Variants in PCDHA8 observed in about 807,000 individuals in gnomAD.
The protein encoded by PCDHA8 is protocadherin alpha-8.
In PCDHA8, 53 loss-of-function variants were observed where a neutral mutation model predicts 61.8. That is an observed-to-expected ratio of 0.86 (90% CI 0.69 to 1.08). PCDHA8 has a LOEUF of 1.08. Ranked by LOEUF, PCDHA8 falls within the 50% of genes least tolerant of loss-of-function variation. PCDHA8 has a pLI of 0.00. For synonymous variants in PCDHA8, 618 were observed against 556.6 expected (o/e 1.11, Z -1.55); for missense variants, 1,293 against 1,245.0 (o/e 1.04, Z -0.58).
chr5:140,845,492 G>T lies in PCDHA8; in HGVS notation c.2394+1777G>T, dbSNP rs2150379266. ...ATTTGGGGTTGTGCTTTCACAGTGA[G>T]AAAGTCTAAACCTATTTCTTGTACA... On this transcript the variant is annotated intron_variant, in intron 1 of 3. Coordinates refer to ENST00000531613, the MANE Select transcript of PCDHA8 (RefSeq NM_018911.3). Among the ~76,000 whole-genome samples, 111 of 149,698 alleles carry T rather than the reference G, an allele frequency of 7.4e-4. 5 individuals are homozygous for T. Among genetic ancestry groups the T allele is most frequent in the African/African-American group, 2.6e-3 (108 of 41,006 alleles).
At chr5:140,943,112 G>A (rs1250060246) in intron 1 of PCDHA8, among the ~76,000 whole-genome samples, 1 of 151,850 alleles carries the variant, frequency 6.6e-6, no homozygotes, top group African/African-American at 2.4e-5. Flanking sequence ...ACAAAAATTA[G>A]CCAGGTGTGG....
rs1256461262 is a variant in PCDHA8, at chr5:140,982,640, A to T, written c.2542+77A>T. On this transcript the variant is annotated intron_variant, in intron 3 of 3. Transcript: ENST00000531613. ...ATGACCTACTTTTGTAAGATCAGGA[A>T]TGTTGATGGCTCTTTTTCTTTTATA... 3 of 1,544,442 alleles carry T rather than the reference A, an allele frequency of 1.9e-6. No individual in the cohort carries two copies. The African/African-American group carries it at 4.2e-5, about 21-fold the overall frequency.
At chr5:140,871,530 T>C (rs188075654) in intron 1 of PCDHA8, 2 of 1,514,446 alleles carry the variant, frequency 1.3e-6, no homozygotes, top group Admixed American at 4.8e-5. Flanking sequence ...TCAGGAAGTG[T>C]ATGTGAAATT....
chr5:140,857,544 G>T (rs1408742148), intron 1 of PCDHA8: 1 of 1,596,898 alleles, frequency 6.3e-7, no homozygotes, highest in Non-Finnish European at 8.6e-7. Flanking sequence ...CGGCGGTTGG[G>T]CGAGCGCTCG....
At position 140,843,574 on chromosome 5, in the gene PCDHA8, G is replaced by A. The variant is rs2150362915; in HGVS notation, c.2253G>A (p.Ser751=). 1.8e-5 allele frequency: 28 copies of A among 1,595,908 alleles called. 3 individuals are homozygous for A. The highest frequency in any genetic ancestry group is 1.7e-4 in the Middle Eastern group (1 of 5,996). Residue 751 remains serine (S), a synonymous_variant, in exon 1 of 4, where the codon TCG becomes TCA. Coordinates refer to ENST00000531613, the MANE Select transcript of PCDHA8 (RefSeq NM_018911.3). ...CSSAVGSWSY[S]QQQPQRVCSG... ...GTGCGGTGGGGAGCTGGTCATACTCGCAACAACAGCCGCAGAGGGTGTGCT... is the reference window on the plus strand; with the variant it reads ...GTGCGGTGGGGAGCTGGTCATACTCACAACAACAGCCGCAGAGGGTGTGCT...
Position 140,848,936 on chromosome 5 carries a change from G to A in PCDHA8, c.2394+5221G>A, listed in dbSNP as rs2150425486. ...ATCTGTTCATCGCGGAATCCAGGCC[G>A]CTTGACTCTCGGTTTCCACTAGAGG... is the stretch of plus-strand genomic sequence containing the variant. On this transcript the variant is annotated intron_variant, in intron 1 of 3. Coordinates refer to ENST00000531613, the MANE Select transcript of PCDHA8 (RefSeq NM_018911.3). 2.3e-5 allele frequency: 37 copies of A among 1,607,476 alleles called. No homozygotes were observed. The East Asian group carries it at 6.7e-4, about 29-fold the overall frequency.
chr5:140,875,571 C>T lies in PCDHA8; in HGVS notation c.2394+31856C>T, dbSNP rs782529259. The T allele has an allele frequency of 7.4e-6, 12 of 1,613,992 alleles. No individual in the cohort carries two copies. The Admixed American group carries it at 1.8e-4, about 25-fold the overall frequency. ...AGGTGGGGAGCGGCCAGCTCCACTACTCCGTCTACGAGGAGGCCAAACACG... is the reference window on the plus strand; with the variant it reads ...AGGTGGGGAGCGGCCAGCTCCACTATTCCGTCTACGAGGAGGCCAAACACG... On this transcript the variant is annotated intron_variant, in intron 1 of 3. Transcript: ENST00000531613.
At chr5:140,968,437 A>G (rs1267054987) in intron 1 of PCDHA8, 2 of 1,614,072 alleles carry the variant, frequency 1.2e-6, no homozygotes, top group Admixed American at 3.3e-5. Context: ...AGGGGAGCCC[A>G]CCACTGAGCA....
Position 140,951,565 on chromosome 5 carries a change from T to G in PCDHA8, c.2395-27384T>G, listed in dbSNP as rs151148481. Among the ~76,000 whole-genome samples the G allele has an allele frequency of 1.4e-3, 220 of 152,132 alleles. 1 individual carries two copies. Among genetic ancestry groups the G allele is most frequent in the African/African-American group, 4.9e-3 (203 of 41,508 alleles). ...GGACGGGGGGAAGTGCTACGCACTT[T>G]TAAACAACCAGATTTCACGAGATCT... On this transcript the variant is annotated intron_variant, in intron 1 of 3. Transcript: ENST00000531613.
chr5:140,843,697 T>G lies in PCDHA8; in HGVS notation c.2376T>G (p.Asn792Lys). The G allele has an allele frequency of 6.3e-7, 1 of 1,583,576 alleles. No individual in the cohort carries two copies. The highest frequency in any genetic ancestry group is 8.7e-7 in the Non-Finnish European group (1 of 1,154,322). The change falls in exon 1 of 4, where the codon AAT (asparagine) becomes AAG (lysine). Residue 792 changes from asparagine (N) to lysine (K), a missense_variant. Physicochemically the swap from Asn to Lys is moderately conservative, Grantham distance 94. Coordinates refer to ENST00000531613, the MANE Select transcript of PCDHA8 (RefSeq NM_018911.3). ...ATGTAGGCGAAGAGCAAGATTTAAATGTTGATCATGGCCTCAAAGTAAGTC... is the reference window on the plus strand; with the variant it reads ...ATGTAGGCGAAGAGCAAGATTTAAAGGTTGATCATGGCCTCAAAGTAAGTC... ...SVDVGEEQDL[N>K]VDHGLKPRQP... is the part of the protein sequence containing the mutation.
chr5:140,954,543 A>G (rs1344952646), intron 1 of PCDHA8, among the ~76,000 whole-genome samples: 1 of 151,924 alleles, frequency 6.6e-6, no homozygotes, highest in Non-Finnish European at 1.5e-5. Flanking sequence ...TTTTTTTCAT[A>G]TGTTTGTTGG....
At chr5:140,900,575 C>A (rs994036757) in intron 1 of PCDHA8, among the ~76,000 whole-genome samples, 5 of 152,330 alleles carry the variant, frequency 3.3e-5, no homozygotes, top group African/African-American at 1.2e-4. Flanking sequence ...CGGCACCGGC[C>A]CATTTTCTTT....
In PCDHA8 at chr5:140,857,169, C is replaced by T. The variant is rs199584063; in HGVS notation, c.2394+13454C>T. On this transcript the variant is annotated intron_variant, in intron 1 of 3. Coordinates refer to ENST00000531613, the MANE Select transcript of PCDHA8 (RefSeq NM_018911.3). ...ACCGTCATTGCCCTAATCAGCGTTTCTGACCATGATTCAGGAGCCAACGGA... is the reference window on the plus strand; with the variant it reads ...ACCGTCATTGCCCTAATCAGCGTTTTTGACCATGATTCAGGAGCCAACGGA... 2.2e-5 allele frequency: 35 copies of T among 1,598,474 alleles called. 1 individual carries two copies. The East Asian group carries it at 7.4e-4, about 34-fold the overall frequency.
chr5:140,903,273 T>G (rs1213268192), intron 1 of PCDHA8, among the ~76,000 whole-genome samples: 2 of 152,228 alleles, frequency 1.3e-5, no homozygotes, highest in Non-Finnish European at 2.9e-5. Flanking sequence ...AGTGAGGTAG[T>G]GTCTCATTGT....
intron 1 of PCDHA8, chr5:140,877,135 G>A (rs1554169356): frequency 2.5e-6 from 4 of 1,613,790 alleles, no homozygotes; most frequent in Non-Finnish European, 3.4e-6. Flanking sequence ...GCAGGTGTTC[G>A]TGCTGGACGA....
intron 3 of PCDHA8, among the ~76,000 whole-genome samples, chr5:140,999,495 A>G (rs868986339): frequency 6.6e-6 from 1 of 152,142 alleles, no homozygotes; most frequent in South Asian, 2.1e-4. Flanking sequence ...TATGTTACCC[A>G]AGAACCTACA....
intron 1 of PCDHA8, among the ~76,000 whole-genome samples, chr5:140,893,688 C>G (rs903086896): frequency 6.6e-6 from 1 of 152,168 alleles, no homozygotes; most frequent in Admixed American, 6.5e-5. Context: ...TATATCATCT[C>G]ATTCTATCCT....
At chr5:140,883,237 T>C in intron 1 of PCDHA8, 2 of 1,614,044 alleles carry the variant, frequency 1.2e-6, no homozygotes, top group Non-Finnish European at 1.7e-6. Context: ...TGGAGGCAGT[T>C]GACAAAGGAA....
intron 1 of PCDHA8, among the ~76,000 whole-genome samples, chr5:140,955,351 A>G (rs246019): frequency 0.56 from 85,599 of 151,868 alleles, 24,746 homozygotes; most frequent in African/African-American, 0.69. Flanking sequence ...ACATGTTGTG[A>G]GAGGGACCCA....
Sources: gnomAD v4.1 joint callset for allele counts (sites outside exome capture counted in the v4.1 genomes callset) on GRCh38, gnomAD v4.1.1 for gene constraint, MANE v1.5 for transcripts, NCBI Gene and HGNC (gene_info 2026-07-23, HGNC 2026-07-21) for gene names.